The following MORC1 variants were observed in gnomAD, a reference collection of about 807,000 sequenced individuals.
The protein encoded by MORC1 is MORC family CW-type zinc finger 1.
A neutral mutation model predicts 134.9 loss-of-function variants in MORC1; 59 were observed. That is an observed-to-expected ratio of 0.44 (90% CI 0.35 to 0.54). The LOEUF (loss-of-function observed/expected upper bound fraction) is 0.54, where lower values mean the gene tolerates loss of function less well. Ranked by LOEUF, MORC1 falls within the 20% of genes least tolerant of loss-of-function variation. The pLI, the probability that MORC1 is intolerant of heterozygous loss-of-function variation, is 0.00. For synonymous variants in MORC1, 395 were observed against 391.7 expected (o/e 1.01, Z -0.10); for missense variants, 947 against 1,134.5 (o/e 0.83, Z 2.37).
In MORC1 at chr3:108,986,902, C is replaced by T; in HGVS notation, c.2235G>A (p.Lys745=). The change falls in exon 22 of 28, where the codon AAG becomes AAA. Residue 745 remains lysine (K), a synonymous_variant. Coordinates refer to ENST00000232603, the MANE Select transcript of MORC1 (RefSeq NM_014429.4). ...TACCTTGGTTTAAAAGAGGAATTTC[C>T]TTTTTTTCTTGTTTCAATGAAACAT... The part of the protein sequence containing the change: ...NTDVSLKQEK[K]EIPLLNQEKQ... 1 of 1,569,898 alleles carries T rather than the reference C, an allele frequency of 6.4e-7. No individual in the cohort carries two copies. The highest frequency in any genetic ancestry group is 1.2e-5 in the South Asian group (1 of 82,082).
At chr3:109,033,133 G>T (rs1220298054) in intron 15 of MORC1, among the ~76,000 whole-genome samples, 1 of 152,028 alleles carries the variant, frequency 6.6e-6, no homozygotes, top group Non-Finnish European at 1.5e-5. Context: ...AATAATTTCA[G>T]TGACTTGACT....
chr3:109,042,654 T>C (rs1277917887), intron 14 of MORC1, among the ~76,000 whole-genome samples: 1 of 152,210 alleles, frequency 6.6e-6, no homozygotes, highest in East Asian at 1.9e-4. Context: ...GCACTATTTA[T>C]AAATAGCTAA....
At position 108,958,782 on chromosome 3, in the gene MORC1, A is replaced by T; in HGVS notation, c.*183T>A. The T allele has an allele frequency of 3.0e-6, 1 of 330,512 alleles. No individual in the cohort carries two copies. The highest frequency in any genetic ancestry group is 4.9e-5 in the East Asian group (1 of 20,306). The allele number at this position is 330,512 out of a possible 1,614,324, so 20.5% of individuals were successfully genotyped here. A position where few individuals can be genotyped will look rare whatever the true frequency, so the allele number is the denominator to read the frequency against. ...TTTAGATAATTGGATTAGGGAATAC[A>T]TAAATTGTAAATCGGTCTCCATTTC... On this transcript the variant is annotated 3_prime_UTR_variant, in exon 28 of 28. Coordinates refer to ENST00000232603, the MANE Select transcript of MORC1 (RefSeq NM_014429.4).
chr3:109,038,738 A>G (rs1285294818), intron 14 of MORC1, among the ~76,000 whole-genome samples: 1 of 152,230 alleles, frequency 6.6e-6, no homozygotes, highest in East Asian at 1.9e-4. Flanking sequence ...GTCAAAGACC[A>G]GATGGTTGCA....
rs147217328 is a variant in MORC1, at chr3:109,086,841, G to A, written c.689+6595C>T. ...GGGAAATCTGGATGAAAGATACATG[G>A]GAATTTTCTGTATTATCTTTAAAAC... On this transcript the variant is annotated intron_variant, in intron 8 of 27. Coordinates refer to ENST00000232603, the MANE Select transcript of MORC1 (RefSeq NM_014429.4). Among the ~76,000 whole-genome samples the A allele has an allele frequency of 5.4e-3, 825 of 151,846 alleles. 12 individuals are homozygous for A. The highest frequency in any genetic ancestry group is 0.017 in the African/African-American group (703 of 41,376).
At chr3:109,097,602 C>G (rs1950852580) in intron 6 of MORC1, among the ~76,000 whole-genome samples, 1 of 152,092 alleles carries the variant, frequency 6.6e-6, no homozygotes, top group Admixed American at 6.6e-5. Context: ...GGAGTGTGAG[C>G]TGCAGCACAG....
intron 17 of MORC1, among the ~76,000 whole-genome samples, chr3:109,024,331 C>T (rs1041806373): frequency 1.3e-5 from 2 of 152,102 alleles, no homozygotes; most frequent in African/African-American, 2.4e-5. Context: ...TTTCACTTTC[C>T]TCTTTGTTAA....
intron 16 of MORC1, among the ~76,000 whole-genome samples, chr3:109,028,359 C>T (rs538516054): frequency 4.6e-5 from 7 of 152,198 alleles, no homozygotes; most frequent in Admixed American, 3.3e-4. Context: ...CGTGACTACC[C>T]GTGATGTGAT....
chr3:109,117,789 T>C (rs1245355264), intron 1 of MORC1, among the ~76,000 whole-genome samples: 1 of 152,218 alleles, frequency 6.6e-6, no homozygotes, highest in African/African-American at 2.4e-5. Context: ...TGGTGTTCAC[T>C]GAAGAGCACC....
At chr3:109,083,913 G>C (rs1015638920) in intron 8 of MORC1, among the ~76,000 whole-genome samples, 1 of 152,016 alleles carries the variant, frequency 6.6e-6, no homozygotes, top group Non-Finnish European at 1.5e-5. Flanking sequence ...GAAAACCCTA[G>C]GATCATTTCA....
chr3:108,989,957 G>T (rs1407691207), intron 21 of MORC1, among the ~76,000 whole-genome samples: 1 of 152,122 alleles, frequency 6.6e-6, no homozygotes, highest in Non-Finnish European at 1.5e-5. Context: ...CTGGTGGGAG[G>T]TAATTGAGTC....
intron 17 of MORC1, among the ~76,000 whole-genome samples, chr3:109,022,325 T>C (rs537247395): frequency 6.6e-6 from 1 of 152,312 alleles, no homozygotes; most frequent in Admixed American, 6.5e-5. Context: ...GCATTCACAT[T>C]CTTCATACAA....
At chr3:108,987,641 T>C (rs1390615047) in intron 21 of MORC1, among the ~76,000 whole-genome samples, 1 of 151,772 alleles carries the variant, frequency 6.6e-6, no homozygotes, top group Non-Finnish European at 1.5e-5. Context: ...TGGGAGTGGA[T>C]GGGGGACATT....
At position 108,969,613 on chromosome 3, in the gene MORC1, C is replaced by A. The variant is rs184412188; in HGVS notation, c.2604+56G>T. The A allele has an allele frequency of 6.6e-5, 99 of 1,503,808 alleles. No individual in the cohort carries two copies. In the African/African-American group the frequency reaches 1.3e-3, roughly 20 times the overall value. The allele number at this position is 1,503,808 out of a possible 1,614,324, so 93.2% of individuals were successfully genotyped here. ...ACATTTGGAAATGTACATTATTTAT[C>A]CTTTCGAACACAGGATCATTTAGAA... is the stretch of plus-strand genomic sequence containing the variant. On this transcript the variant is annotated intron_variant, in intron 26 of 27. Coordinates refer to ENST00000232603, the MANE Select transcript of MORC1 (RefSeq NM_014429.4).
chr3:109,097,103 T>G (rs920877863), intron 6 of MORC1, among the ~76,000 whole-genome samples: 2 of 152,046 alleles, frequency 1.3e-5, no homozygotes. Context: ...TGGGTGTAAA[T>G]AGACCACGCA....
intron 4 of MORC1, 31 bp from the exon 5 acceptor site, chr3:109,100,538 AG>A (rs766531664): frequency 1.3e-6 from 2 of 1,549,020 alleles, no homozygotes; most frequent in East Asian, 2.3e-5. Context: ...TAAGGTGGTT[AG>A]GAAGACTCTT....
rs756539465 is a variant in MORC1 at position 109,057,410 on chromosome 3, T to C, written c.1108A>G (p.Ile370Val). 2.7e-5 allele frequency: 43 copies of C among 1,612,320 alleles called. No homozygotes were observed. The South Asian group carries it at 3.0e-4, about 11-fold the overall frequency. Residue 370 changes from isoleucine to valine, a missense_variant, in exon 13 of 28, where the codon ATT becomes GTT. This residue lies in a region of MORC1 where 722 missense variants were observed against 817.0 expected (regional missense o/e 0.88). Coordinates refer to ENST00000232603, the MANE Select transcript of MORC1 (RefSeq NM_014429.4). ...TTGATCAAACGGTTATTACTGTAAA[T>C]GAACATTCCAGCTTGGCTTCGGTTT... Reference protein sequence around the residue: ...VENRSQAGMFIYSNNRLIKMH... With the variant: ...VENRSQAGMFVYSNNRLIKMH...
intron 24 of MORC1, among the ~76,000 whole-genome samples, chr3:108,973,773 T>C (rs1313490828): frequency 2.0e-5 from 3 of 151,954 alleles, no homozygotes; most frequent in African/African-American, 7.3e-5. Context: ...ATTTTTGTTA[T>C]TTTTGTTTTA....
At position 109,040,365 on chromosome 3, in the gene MORC1, A is replaced by T. The variant is rs376034207; in HGVS notation, c.1331-4897T>A. On this transcript the variant is annotated intron_variant, in intron 14 of 27. Transcript: ENST00000232603. ...ACACTCAAAGAACTGAAAGAAAGAA[A>T]GAAAGAAAGAAAGAAAGAAAGAAAG... Among the ~76,000 whole-genome samples, 52 of 91,326 alleles carry T rather than the reference A, an allele frequency of 5.7e-4. 1 individual carries two copies. The highest frequency in any genetic ancestry group is 3.9e-3 in the South Asian group (9 of 2,322). The allele number at this position is 91,326 out of a possible 152,430, so 59.9% of individuals were successfully genotyped here. A position where few individuals can be genotyped will look rare whatever the true frequency, so the allele number is the denominator to read the frequency against.
Sources: allele counts gnomAD v4.1 joint callset (sites outside exome capture counted in the v4.1 genomes callset), GRCh38; gene constraint gnomAD v4.1.1; regional missense constraint gnomAD v4.1.1; transcripts MANE v1.5; gene names NCBI Gene and HGNC (gene_info 2026-07-23, HGNC 2026-07-21).